Variants in TBC1D32 observed in about 807,000 individuals in gnomAD.
TBC1D32 encodes the protein protein broad-minded.
A neutral mutation model predicts 170.3 loss-of-function variants in TBC1D32; 151 were observed. The ratio of observed to expected loss-of-function variants is 0.89; its 90% CI spans 0.78 to 1.01. The LOEUF is 1.01. TBC1D32 is among the 50% of genes least tolerant of loss of function. The pLI is 0.00. For synonymous variants in TBC1D32, 498 were observed against 488.0 expected (o/e 1.02, Z -0.27); for missense variants, 1,464 against 1,457.1 (o/e 1.00, Z -0.08).
intron 21 of TBC1D32, among the ~76,000 whole-genome samples, chr6:121,207,646 C>A (rs879628371): frequency 8.5e-5 from 13 of 152,156 alleles, no homozygotes; most frequent in African/African-American, 3.1e-4. Flanking sequence ...CAAGAAGCAG[C>A]TTCCCAGCAA....
chr6:121,113,976 C>A (rs1448288710), intron 27 of TBC1D32, among the ~76,000 whole-genome samples: 9 of 152,060 alleles, frequency 5.9e-5, no homozygotes, highest in African/African-American at 2.2e-4. Flanking sequence ...GAGTTTGAGA[C>A]CAGCCTGACC....
rs758059813 is a variant in TBC1D32, at chr6:121,281,614, T to A, written c.1538A>T (p.Glu513Val). ...TATTACAATGTTGTTATATAAGCATTCCACTGCACATTCTTTTTGATCACT... is the reference window on the plus strand; with the variant it reads ...TATTACAATGTTGTTATATAAGCATACCACTGCACATTCTTTTTGATCACT... The part of the protein sequence containing the change: ...ILSDQKECAV[E>V]CLYNNIVIET... Residue 513 changes from glutamate to valine, a missense_variant, in exon 14 of 32, where the codon GAA (glutamate) becomes GTA (valine). Glu to Val is a moderately radical substitution (Grantham distance 121). Coordinates refer to ENST00000398212, the MANE Select transcript of TBC1D32 (RefSeq NM_152730.6). 3 of 1,607,974 alleles carry A rather than the reference T, an allele frequency of 1.9e-6. No individual in the cohort carries two copies. The highest frequency in any genetic ancestry group is 2.6e-6 in the Non-Finnish European group (3 of 1,176,126).
chr6:121,187,044 A>G (rs780610594), intron 22 of TBC1D32, among the ~76,000 whole-genome samples: 17 of 152,112 alleles, frequency 1.1e-4, no homozygotes, highest in Admixed American at 2.6e-4. Flanking sequence ...GATATATAGA[A>G]AAACTAAGCA....
intron 22 of TBC1D32, among the ~76,000 whole-genome samples, chr6:121,176,528 T>C (rs915577386): frequency 7.2e-5 from 11 of 152,022 alleles, no homozygotes; most frequent in Non-Finnish European, 1.2e-4. Context: ...TGGATCACGG[T>C]CACAACACAG....
intron 21 of TBC1D32, among the ~76,000 whole-genome samples, chr6:121,218,579 C>G (rs1349982766): frequency 1.3e-5 from 2 of 152,062 alleles, no homozygotes; most frequent in East Asian, 1.9e-4. Flanking sequence ...TGTCTGTGTG[C>G]CTAGAATATA....
intron 20 of TBC1D32, among the ~76,000 whole-genome samples, chr6:121,235,316 G>T (rs1003776650): frequency 6.6e-6 from 1 of 152,100 alleles, no homozygotes; most frequent in African/African-American, 2.4e-5. Flanking sequence ...GTTCCAAAGA[G>T]ATTATGACCT....
chr6:121,147,067 C>A (rs1783545176), intron 24 of TBC1D32, among the ~76,000 whole-genome samples: 1 of 152,076 alleles, frequency 6.6e-6, no homozygotes, highest in Non-Finnish European at 1.5e-5. Context: ...TGAGAATATG[C>A]AGTATTTGGT....
At chr6:121,111,096 C>G (rs1779161852) in intron 29 of TBC1D32, among the ~76,000 whole-genome samples, 1 of 152,120 alleles carries the variant, frequency 6.6e-6, no homozygotes, top group Non-Finnish European at 1.5e-5. Flanking sequence ...TCATATATTC[C>G]ATATTCAATG....
At chr6:121,107,906 T>C (rs1305816982) in intron 29 of TBC1D32, among the ~76,000 whole-genome samples, 2 of 152,046 alleles carry the variant, frequency 1.3e-5, no homozygotes, top group African/African-American at 4.8e-5. Flanking sequence ...AAATAAGTTA[T>C]TGTTATGTAA....
At chr6:121,298,202 T>C (rs1009515102) in intron 10 of TBC1D32, among the ~76,000 whole-genome samples, 1 of 152,092 alleles carries the variant, frequency 6.6e-6, no homozygotes, top group African/African-American at 2.4e-5. Flanking sequence ...AGCTTTTTAG[T>C]GCAAATGAGG....
intron 15 of TBC1D32, among the ~76,000 whole-genome samples, chr6:121,271,808 C>A (rs1206661261): frequency 6.6e-6 from 1 of 152,056 alleles, no homozygotes; most frequent in Non-Finnish European, 1.5e-5. Flanking sequence ...ATTGCCAAGA[C>A]AATCCTAAGA....
chr6:121,185,789 T>C (rs1381508094), intron 22 of TBC1D32, among the ~76,000 whole-genome samples: 1 of 152,068 alleles, frequency 6.6e-6, no homozygotes, highest in Admixed American at 6.6e-5. Flanking sequence ...GAAACTAGTT[T>C]AACAATAAAA....
chr6:121,319,378 G>A (rs951572262), intron 2 of TBC1D32, among the ~76,000 whole-genome samples: 1 of 152,112 alleles, frequency 6.6e-6, no homozygotes, highest in Non-Finnish European at 1.5e-5. Flanking sequence ...TGCCTCTATA[G>A]ATTCTGGGCA....
intron 30 of TBC1D32, among the ~76,000 whole-genome samples, chr6:121,101,930 CT>C (rs1475332703): frequency 6.6e-6 from 1 of 152,084 alleles, no homozygotes; most frequent in Admixed American, 6.6e-5. Context: ...CACAAGCATT[CT>C]TATACACCGA....
intron 20 of TBC1D32, among the ~76,000 whole-genome samples, chr6:121,226,641 A>G (rs910358440): frequency 3.9e-5 from 6 of 152,190 alleles, no homozygotes; most frequent in Admixed American, 3.3e-4. Flanking sequence ...TCCAATAGAC[A>G]GAATAATCAA....
chr6:121,129,219 G>T lies in TBC1D32; in HGVS notation c.2899+2408C>A, dbSNP rs112769904. 8.8e-3 allele frequency among the ~76,000 whole-genome samples: 1,335 copies of T among 152,282 alleles called. 10 individuals are homozygous for T. The highest frequency in any genetic ancestry group is 0.041 in the South Asian group (197 of 4,818). ...GATTCCAAAACTAGGACAGCTCTAT[G>T]CTTTGAGTACCCATACAACCATTCT... On this transcript the variant is annotated intron_variant, in intron 25 of 31. Transcript: ENST00000398212.
intron 15 of TBC1D32, among the ~76,000 whole-genome samples, chr6:121,263,479 A>T (rs1221768848): frequency 6.6e-6 from 1 of 152,184 alleles, no homozygotes. Context: ...AGACTACCAC[A>T]CAATAATAGT....
Position 121,256,144 on chromosome 6 carries a change from T to C in TBC1D32, c.1875A>G (p.Glu625=), listed in dbSNP as rs763052456. 1.2e-6 allele frequency: 2 copies of C among 1,613,898 alleles called. No individual in the cohort carries two copies. The highest frequency in any genetic ancestry group is 2.2e-5 in the South Asian group (2 of 91,062). ...SVCRHIYSTC[E]GLQVLITYNL... ...TATAAGTGATTAACACCTGCAAACC[T>C]TCACATGTACTATATATGTGACGAC... Residue 625 remains glutamate, a synonymous_variant, in exon 16 of 32, where the codon GAA becomes GAG. Transcript: ENST00000398212.
chr6:121,151,213 T>C (rs1298853066), intron 24 of TBC1D32, among the ~76,000 whole-genome samples: 2 of 152,170 alleles, frequency 1.3e-5, no homozygotes, highest in Non-Finnish European at 1.5e-5. Context: ...TCTATTCTCA[T>C]TGGTTTCAAA....
Sources: allele counts gnomAD v4.1 joint callset (sites outside exome capture counted in the v4.1 genomes callset), GRCh38; gene constraint gnomAD v4.1.1; transcripts MANE v1.5; gene names NCBI Gene and HGNC (gene_info 2026-07-23, HGNC 2026-07-21).